The following EPG5 variants were observed in gnomAD, a reference collection of about 807,000 sequenced individuals.
EPG5 encodes ectopic P granules protein 5 homolog.
In EPG5, 159 loss-of-function variants were observed where a neutral mutation model predicts 302.7. The observed-to-expected ratio is 0.53, with a 90% CI of 0.46 to 0.60. The LOEUF (loss-of-function observed/expected upper bound fraction) is 0.60. Among genes scored for constraint, EPG5 ranks in the 20% least tolerant of loss-of-function variants. The pLI, the probability that EPG5 is intolerant of heterozygous loss-of-function variation, is 0.00. For synonymous variants in EPG5, 1,158 were observed against 1,136.8 expected, an observed-to-expected ratio of 1.02 and a Z score of -0.37; for missense variants, 2,896 against 3,092.4, an observed-to-expected ratio of 0.94 and a Z score of 1.51.
Position 45,944,195 on chromosome 18 carries a change from TTATC to T in EPG5, c.1678-80_1678-77del, listed in dbSNP as rs2050739173. Reference sequence around the variant, plus strand: ...ATGATCTAGCGTTACAGGAGCTAAATTATCACAGGTCTCAATGGTATACATGTGA... The same window carrying T: ...ATGATCTAGCGTTACAGGAGCTAAATACAGGTCTCAATGGTATACATGTGA... On this transcript the variant is annotated intron_variant, in intron 7 of 43. Transcript: ENST00000282041. The T allele has an allele frequency of 1.1e-5, 10 of 871,936 alleles. No homozygotes were observed. The East Asian group carries it at 2.4e-4, about 21-fold the overall frequency. The allele number at this position is 871,936 out of a possible 1,614,324, so 54.0% of individuals were successfully genotyped here.
intron 38 of EPG5, among the ~76,000 whole-genome samples, chr18:45,865,971 C>T (rs989794400): frequency 5.3e-5 from 8 of 152,136 alleles, no homozygotes; most frequent in Admixed American, 6.6e-5. Flanking sequence ...CCCATGTTTT[C>T]CCAAATTGTG....
rs754413556 is a variant in EPG5, at chr18:45,888,622, T to C, written c.4953-715A>G. ...ACCTGGCCAATTTTTGTATTTTTAA[T>C]AGAGATGGGGTTTCACCACGTTGGT... On this transcript the variant is annotated intron_variant, in intron 28 of 43. Coordinates refer to ENST00000282041, the MANE Select transcript of EPG5 (RefSeq NM_020964.3). 7.8e-4 allele frequency among the ~76,000 whole-genome samples: 118 copies of C among 151,956 alleles called. 1 individual carries two copies. Among genetic ancestry groups the C allele is most frequent in the Non-Finnish European group, 1.4e-3 (95 of 67,984 alleles).
chr18:45,866,178 G>A (rs1273790418), intron 38 of EPG5, among the ~76,000 whole-genome samples: 2 of 148,674 alleles, frequency 1.3e-5, no homozygotes, highest in Non-Finnish European at 3.0e-5. Context: ...GGAGTGCAGT[G>A]GTGCGATCTC....
At chr18:45,880,665 T>G (rs1284629554) in intron 31 of EPG5, among the ~76,000 whole-genome samples, 3 of 152,010 alleles carry the variant, frequency 2.0e-5, no homozygotes, top group Non-Finnish European at 4.4e-5. Flanking sequence ...GGCCCCCCAA[T>G]TCCCCGAAAC....
At chr18:45,953,147 TG>T in intron 2 of EPG5, 1 of 346,186 alleles carries the variant, frequency 2.9e-6, no homozygotes, top group Non-Finnish European at 4.1e-6. Context: ...CACTCCAGCC[TG>T]GGCGACAGAG....
At chr18:45,911,152 C>T (rs1043108093) in intron 22 of EPG5, among the ~76,000 whole-genome samples, 16 of 151,308 alleles carry the variant, frequency 1.1e-4, no homozygotes, top group South Asian at 6.3e-4. Context: ...GACAGAGTCT[C>T]GCTCTGTCAC....
the EPG5 span, among the ~76,000 whole-genome samples, chr18:45,800,877 G>C: frequency 5.3e-5 from 8 of 152,314 alleles, no homozygotes; most frequent in African/African-American, 1.7e-4. Context: ...CTTAAAAGGT[G>C]AGCGTCTTGA....
At chr18:45,928,120 TGGGAGGCAGAGGTTGTA>T in intron 13 of EPG5, among the ~76,000 whole-genome samples, 1 of 151,154 alleles carries the variant, frequency 6.6e-6, no homozygotes. Context: ...CACTTGAACC[TGGGAGGCAGAGGTTGTA>T]GGGAGGCAGA....
At chr18:45,892,354 G>C (rs1360848870) in intron 27 of EPG5, among the ~76,000 whole-genome samples, 1 of 152,182 alleles carries the variant, frequency 6.6e-6, no homozygotes, top group Non-Finnish European at 1.5e-5. Flanking sequence ...AGAAGTAGTA[G>C]ACAATAGAAC....
chr18:45,831,186 G>A, the EPG5 span, among the ~76,000 whole-genome samples: 716 of 152,290 alleles, frequency 4.7e-3, 5 homozygotes, highest in Non-Finnish European at 8.0e-3. Context: ...ATGGTGCCTC[G>A]GGCCGTCTCT....
At chr18:45,809,708 G>A in the EPG5 span, among the ~76,000 whole-genome samples, 1,088 of 152,274 alleles carry the variant, frequency 7.1e-3, 16 homozygotes, top group African/African-American at 0.024. Flanking sequence ...AAACCTCTGG[G>A]ATACAGCAAA....
intron 1 of EPG5, among the ~76,000 whole-genome samples, chr18:45,961,843 A>G (rs1334714138): frequency 6.8e-6 from 1 of 147,696 alleles, no homozygotes; most frequent in Non-Finnish European, 1.5e-5. Flanking sequence ...GGGCGACAAC[A>G]GTGAGACTCT....
chr18:45,952,151 T>C (rs1476885043), intron 3 of EPG5, among the ~76,000 whole-genome samples: 2 of 152,190 alleles, frequency 1.3e-5, no homozygotes, highest in Non-Finnish European at 2.9e-5. Context: ...ACATTAATGA[T>C]AGATAGTGAG....
chr18:45,878,267 C>T, intron 34 of EPG5, 109 bp downstream of exon 34: 2 of 707,908 alleles, frequency 2.8e-6, no homozygotes, highest in South Asian at 3.4e-5. Context: ...TTAAATATGG[C>T]CTTACACTAA....
At chr18:45,834,815 T>C in the EPG5 span, among the ~76,000 whole-genome samples, 1 of 152,236 alleles carries the variant, frequency 6.6e-6, no homozygotes, top group Non-Finnish European at 1.5e-5. Flanking sequence ...GGCTCTGTGA[T>C]GCCTGCAAGA....
At chr18:45,803,991 G>A in the EPG5 span, among the ~76,000 whole-genome samples, 2 of 152,068 alleles carry the variant, frequency 1.3e-5, no homozygotes, top group East Asian at 3.9e-4. Flanking sequence ...CACAGATATT[G>A]AAATTAATAG....
At chr18:45,948,602 A>G in intron 5 of EPG5, 26 bp from the exon 6 acceptor site, 2 of 1,573,772 alleles carry the variant, frequency 1.3e-6, no homozygotes, top group Non-Finnish European at 1.7e-6. Flanking sequence ...CAAAAAGCAT[A>G]CTGTAGAAAA....
chr18:45,857,910 A>G lies in EPG5; in HGVS notation c.7385T>C (p.Leu2462Pro), dbSNP rs1360577350. 6.2e-7 allele frequency: 1 copy of G among 1,612,638 alleles called. No individual in the cohort carries two copies. The highest frequency in any genetic ancestry group is 1.1e-5 in the South Asian group (1 of 91,012). The change falls in exon 42 of 44, where the codon CTC becomes CCC. Residue 2462 changes from leucine (L) to proline (P), a missense_variant. By Grantham distance (98) the Leu-to-Pro change is moderately conservative (BLOSUM62 -3). Coordinates refer to ENST00000282041, the MANE Select transcript of EPG5 (RefSeq NM_020964.3). ...AATTGCCCCCAGGATCCCAGAGCTG[A>G]GTCTCTCCTCAGCCACGAGGTTCTG... Reference protein sequence around the residue: ...SRQNLVAEERLSSGILGAIGF... With the variant: ...SRQNLVAEERPSSGILGAIGF...
At chr18:45,857,281 T>C (rs34185907) in intron 42 of EPG5, among the ~76,000 whole-genome samples, 20,970 of 152,100 alleles carry the variant, frequency 0.14, 1,970 homozygotes, top group East Asian at 0.34. Flanking sequence ...GGCTAATTTC[T>C]GTATTTTTTG....
Sources: gnomAD v4.1 joint callset for allele counts (sites outside exome capture counted in the v4.1 genomes callset) on GRCh38, gnomAD v4.1.1 for gene constraint, MANE v1.5 for transcripts, NCBI Gene and HGNC (gene_info 2026-07-23, HGNC 2026-07-21) for gene names.